NDUFA10: variants seen among roughly 807,000 people sequenced by gnomAD.
NDUFA10 encodes the protein NADH dehydrogenase [ubiquinone] 1 alpha subcomplex subunit 10, mitochondrial.
In NDUFA10, 40 loss-of-function variants were observed where a neutral mutation model predicts 47.8. That is an observed-to-expected ratio of 0.84 (90% confidence interval 0.65 to 1.09). The LOEUF is 1.09. Ranked by LOEUF, NDUFA10 falls within the 50% of genes least tolerant of loss-of-function variation. NDUFA10 has a pLI of 0.00. For missense variants in NDUFA10, 413 were observed against 451.1 expected, an observed-to-expected ratio of 0.92 and a Z score of 0.76; for synonymous variants, 183 against 172.2, an observed-to-expected ratio of 1.06 and a Z score of -0.49.
intron 4 of NDUFA10, among the ~76,000 whole-genome samples, chr2:239,946,142 G>A (rs958767928): frequency 9.9e-5 from 15 of 152,140 alleles, no homozygotes; most frequent in African/African-American, 1.7e-4. Context: ...TCTCGAAGTC[G>A]AGGAAGGATG....
At chr2:240,018,376 G>C in intron 4 of NDUFA10, 177 bp downstream of exon 4, 2 of 1,527,668 alleles carry the variant, frequency 1.3e-6, no homozygotes, top group Non-Finnish European at 1.8e-6. Context: ...TTTCAGGAGG[G>C]AGAAAGGGTG....
rs914148800 is a variant in NDUFA10, at chr2:239,979,590, G to A, written c.999+10484C>T. 4.9e-5 allele frequency among the ~76,000 whole-genome samples: 6 copies of A among 122,580 alleles called. No homozygotes were observed. The East Asian group carries it at 7.7e-4, about 16-fold the overall frequency. The allele number at this position is 122,580 out of a possible 152,430, so 80.4% of individuals were successfully genotyped here. A position where few individuals can be genotyped will look rare whatever the true frequency, so the allele number is the denominator to read the frequency against. The stretch of plus-strand genomic sequence containing the variant: ...ATGCCCCTGTTAAGTGGGGGCTCTC[G>A]GGAAAAGAGACAGTGCCTACTCTCA... On this transcript the variant is annotated intron_variant, in intron 9 of 9. Coordinates refer to ENST00000252711, the MANE Select transcript of NDUFA10 (RefSeq NM_004544.4).
chr2:239,969,802 C>T (rs1466009970), intron 9 of NDUFA10: 2 of 470,914 alleles, frequency 4.2e-6, no homozygotes, highest in Non-Finnish European at 8.8e-6. Flanking sequence ...ATCATACACC[C>T]ACAGAAGATA....
At chr2:240,000,692 T>G (rs534012337) in intron 8 of NDUFA10, among the ~76,000 whole-genome samples, 2 of 152,196 alleles carry the variant, frequency 1.3e-5, no homozygotes, top group South Asian at 2.1e-4. Flanking sequence ...CCACTCACGG[T>G]ACATGCCCCA....
intron 4 of NDUFA10, among the ~76,000 whole-genome samples, chr2:239,901,820 C>A (rs1007742578): frequency 1.3e-5 from 2 of 151,626 alleles, no homozygotes; most frequent in Middle Eastern, 3.2e-3. Flanking sequence ...GAAGTTGATT[C>A]CAACCCTCAT....
chr2:239,950,645 G>A (rs1049021290), intron 4 of NDUFA10, among the ~76,000 whole-genome samples: 12 of 152,370 alleles, frequency 7.9e-5, no homozygotes, highest in Non-Finnish European at 1.8e-4. Flanking sequence ...TGCTGATTGA[G>A]CGGCTTCTTC....
At chr2:240,024,826 G>A (rs898228723) in intron 1 of NDUFA10, among the ~76,000 whole-genome samples, 6 of 152,226 alleles carry the variant, frequency 3.9e-5, no homozygotes, top group African/African-American at 1.4e-4. Flanking sequence ...CTCCGTGTCT[G>A]CTCAACATGG....
rs187358978 is a variant in NDUFA10, at chr2:240,022,054, T to C, written c.244+118A>G. On this transcript the variant is annotated intron_variant, in intron 2 of 9. Coordinates refer to ENST00000252711, the MANE Select transcript of NDUFA10 (RefSeq NM_004544.4). ...TAAACAAAAATGTGAAATACCCACCTTAGGCCCAATTATTAAATATTTAAT... is the reference window on the plus strand; with the variant it reads ...TAAACAAAAATGTGAAATACCCACCCTAGGCCCAATTATTAAATATTTAAT... 41 of 845,602 alleles carry C rather than the reference T, an allele frequency of 4.8e-5. No homozygotes were observed. In the African/African-American group the frequency reaches 6.8e-4, roughly 14 times the overall value. The allele number at this position is 845,602 out of a possible 1,614,324, so 52.4% of individuals were successfully genotyped here.
At chr2:239,951,204 CAG>C (rs1694545194) in intron 4 of NDUFA10, among the ~76,000 whole-genome samples, 1 of 152,198 alleles carries the variant, frequency 6.6e-6, no homozygotes. Context: ...ACTATTGAGA[CAG>C]GGAACCCTGC....
chr2:240,002,757 C>T (rs1389367996), intron 8 of NDUFA10, among the ~76,000 whole-genome samples: 1 of 152,110 alleles, frequency 6.6e-6, no homozygotes, highest in Non-Finnish European at 1.5e-5. Context: ...ACTATTTTAA[C>T]AGGGGGGCAG....
intron 9 of NDUFA10, 38 bp from the exon 10 acceptor site, chr2:239,961,224 G>A (rs181544050): frequency 1.9e-5 from 31 of 1,613,904 alleles, no homozygotes; most frequent in African/African-American, 6.7e-5. Context: ...TCTGTTTAAC[G>A]TGAATGAATG....
intron 8 of NDUFA10, among the ~76,000 whole-genome samples, chr2:239,996,111 G>A (rs1274938606): frequency 2.6e-5 from 4 of 152,152 alleles, no homozygotes; most frequent in African/African-American, 4.8e-5. Context: ...TAAAGATACC[G>A]ATGACCCCAA....
At chr2:239,937,316 A>C (rs182361183) in intron 4 of NDUFA10, among the ~76,000 whole-genome samples, 8 of 152,378 alleles carry the variant, frequency 5.3e-5, no homozygotes, top group Non-Finnish European at 7.3e-5. Context: ...GTATGATTTT[A>C]GAACATTTCC....
At chr2:239,897,214 C>A (rs1693415113) in intron 4 of NDUFA10, among the ~76,000 whole-genome samples, 1 of 152,170 alleles carries the variant, frequency 6.6e-6, no homozygotes, top group Non-Finnish European at 1.5e-5. Flanking sequence ...ATGTAGGACA[C>A]ACTATAATGT....
intron 4 of NDUFA10, chr2:239,895,317 A>G: frequency 2.1e-6 from 1 of 465,662 alleles, no homozygotes; most frequent in Non-Finnish European, 4.5e-6. Context: ...GCTGGGACCT[A>G]GAGACGAAGA....
intron 8 of NDUFA10, among the ~76,000 whole-genome samples, chr2:239,996,253 G>C (rs78936819): frequency 0.088 from 13,368 of 152,156 alleles, 691 homozygotes; most frequent in Admixed American, 0.14. Flanking sequence ...CTCTTCTCAA[G>C]CTGAATTGGA....
intron 4 of NDUFA10, among the ~76,000 whole-genome samples, chr2:239,913,245 C>T (rs1574773540): frequency 1.3e-5 from 2 of 152,254 alleles, no homozygotes; most frequent in South Asian, 4.1e-4. Context: ...TGGGGAGTGA[C>T]CCAGGTGGGA....
At chr2:240,011,567 G>T in intron 6 of NDUFA10, 50 bp downstream of exon 6, 1 of 1,452,848 alleles carries the variant, frequency 6.9e-7, no homozygotes, top group Non-Finnish European at 9.7e-7. Context: ...CCTAAGAAAC[G>T]AGTGGCGAAG....
At chr2:240,004,189 G>C (rs1416887106) in intron 8 of NDUFA10, among the ~76,000 whole-genome samples, 2 of 152,076 alleles carry the variant, frequency 1.3e-5, no homozygotes, top group Non-Finnish European at 2.9e-5. Context: ...GGAGAAGAGG[G>C]GCAGCGGTGC....
Sources: gnomAD v4.1 joint callset for allele counts (sites outside exome capture counted in the v4.1 genomes callset) on GRCh38, gnomAD v4.1.1 for gene constraint, MANE v1.5 for transcripts, NCBI Gene and HGNC (gene_info 2026-07-23, HGNC 2026-07-21) for gene names.